The following HDAC7 variants were observed in gnomAD, a reference collection of about 807,000 sequenced individuals.
The protein encoded by HDAC7 is histone deacetylase 7A.
In HDAC7, 26 loss-of-function variants were observed where a neutral mutation model predicts 115.5. The observed-to-expected ratio is 0.23, with a 90% CI of 0.16 to 0.31. HDAC7 has a LOEUF of 0.31. Among genes scored for constraint, HDAC7 ranks in the 10% least tolerant of loss-of-function variants. HDAC7 has a pLI of 1.00. For synonymous variants in HDAC7, 564 were observed against 550.9 expected (o/e 1.02, Z -0.33); for missense variants, 1,068 against 1,329.0 (o/e 0.80, Z 3.05).
chr12:47,783,863 T>G lies in HDAC7; in HGVS notation c.2954A>C (p.Glu985Ala). Residue 985 changes from glutamate (E) to alanine (A), a missense_variant, in exon 26 of 26, where the codon GAG becomes GCG. This residue lies in a region of HDAC7 where 98 missense variants were observed against 123.9 expected (regional missense o/e 0.79). Coordinates refer to ENST00000080059, the MANE Select transcript of HDAC7 (RefSeq NM_015401.5). The part of the protein sequence containing the change: ...EDRPSEQLVE[E>A]EEPMNL ...GCCTTAGAGATTCATAGGTTCTTCC[T>G]CCTCCACCAGCTGCTCCGAGGGCCT... The G allele has an allele frequency of 3.7e-6, 6 of 1,611,902 alleles. No individual in the cohort carries two copies. The highest frequency in any genetic ancestry group is 5.1e-6 in the Non-Finnish European group (6 of 1,179,466).
At chr12:47,804,037 C>T (rs1433388079) in intron 1 of HDAC7, among the ~76,000 whole-genome samples, 1 of 152,190 alleles carries the variant, frequency 6.6e-6, no homozygotes, top group African/African-American at 2.4e-5. Context: ...GGGAGCAGAG[C>T]CAGGTTCTCT....
intron 19 of HDAC7, 130 bp downstream of exon 19, chr12:47,789,131 T>TA (rs1943334150): frequency 2.6e-6 from 2 of 761,036 alleles, no homozygotes; most frequent in Non-Finnish European, 4.5e-6. Flanking sequence ...ACCCAAATTT[T>TA]ACACAAGGGG....
Position 47,814,692 on chromosome 12 carries a change from C to A in HDAC7, c.19+5075G>T, listed in dbSNP as rs74775702. 8.3e-3 allele frequency among the ~76,000 whole-genome samples: 1,258 copies of A among 152,306 alleles called. 13 individuals are homozygous for A. Among genetic ancestry groups the A allele is most frequent in the East Asian group, 0.021 (110 of 5,188 alleles). On this transcript the variant is annotated intron_variant, in intron 1 of 25. Transcript: ENST00000080059. ...TCTTCCATGCCAAGTGAGAGGCTGGCAATTCAGCTCCAACCCTTAGCCATT... is the reference window on the plus strand; with the variant it reads ...TCTTCCATGCCAAGTGAGAGGCTGGAAATTCAGCTCCAACCCTTAGCCATT...
chr12:47,809,761 G>T (rs780580280), intron 1 of HDAC7, among the ~76,000 whole-genome samples: 3 of 151,700 alleles, frequency 2.0e-5, no homozygotes, highest in Non-Finnish European at 4.4e-5. Context: ...AGTAGAGACG[G>T]GGTTTCACCC....
chr12:47,789,690 C>T lies in HDAC7; in HGVS notation c.2092-112G>A, dbSNP rs187613568. ...TGGTTCCCAGAGCCCTCAATTTCCC[C>T]TCCAAAACCCTGTAGCAATCTCTAA... On this transcript the variant is annotated intron_variant, in intron 17 of 25. Coordinates refer to ENST00000080059, the MANE Select transcript of HDAC7 (RefSeq NM_015401.5). 21 of 1,417,252 alleles carry T rather than the reference C, an allele frequency of 1.5e-5. No individual in the cohort carries two copies. The East Asian group carries it at 2.7e-4, about 18-fold the overall frequency. The allele number at this position is 1,417,252 out of a possible 1,614,324, so 87.8% of individuals were successfully genotyped here. A position where few individuals can be genotyped will look rare whatever the true frequency, so the allele number is the denominator to read the frequency against.
rs754768734 is a variant in HDAC7, at chr12:47,789,220, C to T, written c.2235+41G>A. ...AACATCAGGCTCAGGGCTTTTCCCC[C>T]AGGGCTCTCGAATTGGAGGGTGCTA... On this transcript the variant is annotated intron_variant, in intron 19 of 25. Coordinates refer to ENST00000080059, the MANE Select transcript of HDAC7 (RefSeq NM_015401.5). 4 of 1,475,880 alleles carry T rather than the reference C, an allele frequency of 2.7e-6. No homozygotes were observed. The South Asian group carries it at 3.4e-5, about 13-fold the overall frequency. 91.4% of individuals were successfully genotyped at this position (1,475,880 alleles called of 1,614,324 possible).
rs1413412845 is a variant in HDAC7, at chr12:47,803,009, G to A, written c.20-735C>T. ...TCAGCCTCTTTCCCAGATAATCTGA[G>A]ATAGAAATCTTTTCTTTTGGAAATG... On this transcript the variant is annotated intron_variant, in intron 1 of 25. Transcript: ENST00000080059. The surrounding 1 kb of genome is among the most constrained non-coding windows in gnomAD (Gnocchi z 4.0). Among the ~76,000 whole-genome samples, 1 of 152,228 alleles carries A rather than the reference G, an allele frequency of 6.6e-6. No homozygotes were observed. The highest frequency in any genetic ancestry group is 1.5e-5 in the Non-Finnish European group (1 of 68,052).
At chr12:47,816,840 G>A (rs1038885174) in intron 1 of HDAC7, among the ~76,000 whole-genome samples, 2 of 152,102 alleles carry the variant, frequency 1.3e-5, no homozygotes, top group African/African-American at 4.8e-5. Context: ...GGGCCCTTCC[G>A]GGCGTCCAGC....
At chr12:47,813,106 C>G (rs1944739461) in intron 1 of HDAC7, 1 of 152,312 alleles carries the variant, frequency 6.6e-6, no homozygotes, top group African/African-American at 2.4e-5. Flanking sequence ...CCGCCTCCAG[C>G]TCCCCGCCTC....
chr12:47,785,451 T>G lies in HDAC7; in HGVS notation c.2727A>C (p.Glu909Asp), dbSNP rs570780774. ...LGNRVDPLSE[E>D]GWKQKPNLNA... is the part of the protein sequence containing the mutation. ...TGAGGTTGGGTTTCTGTTTCCAGCC[T>G]TCTTCTGAAAGGGGATCCACCTATA... The change falls in exon 24 of 26, where the codon GAA (glutamate) becomes GAC (aspartate). Residue 909 changes from glutamate (E) to aspartate (D), a missense_variant. Physicochemically the swap from Glu to Asp is conservative, Grantham distance 45 (BLOSUM62 2). Around this residue, in one of 6 missense-constraint regions of HDAC7, gnomAD observed 98 missense variants for 123.9 expected, o/e 0.79. Coordinates refer to ENST00000080059, the MANE Select transcript of HDAC7 (RefSeq NM_015401.5). The G allele has an allele frequency of 8.1e-6, 13 of 1,612,928 alleles. No homozygotes were observed. In the African/African-American group the frequency reaches 1.5e-4, roughly 18 times the overall value.
At chr12:47,787,646 CT>C in intron 21 of HDAC7, 65 bp downstream of exon 21, 15 of 1,153,900 alleles carry the variant, frequency 1.3e-5, no homozygotes, top group Non-Finnish European at 1.9e-5. Context: ...CACCTCCCCC[CT>C]GGTGCTCTTG....
intron 7 of HDAC7, 40 bp from the exon 8 acceptor site, chr12:47,796,338 G>A (rs1943840139): frequency 2.6e-6 from 4 of 1,517,874 alleles, no homozygotes; most frequent in Non-Finnish European, 3.6e-6. Flanking sequence ...TCAGAGGCCA[G>A]GGTGGGCAGG....
intron 19 of HDAC7, 141 bp from the exon 20 acceptor site, chr12:47,788,305 G>T: frequency 9.8e-7 from 1 of 1,017,680 alleles, no homozygotes; most frequent in Non-Finnish European, 1.4e-6. Flanking sequence ...AAAGCCACAC[G>T]GTCGAGTGGC....
At position 47,795,995 on chromosome 12, in the gene HDAC7, G is replaced by A. The variant is rs371156187; in HGVS notation, c.817C>T (p.Arg273Trp). 101 of 1,549,238 alleles carry A rather than the reference G, an allele frequency of 6.5e-5. No individual in the cohort carries two copies. Among genetic ancestry groups the A allele is most frequent in the South Asian group, 9.5e-5 (8 of 84,032 alleles). ...GSEALLGQRL[R>W]LQETSVAPFA... ...GGGGCCACAGAAGTCTCCTGCAGCC[G>A]CAGCCGCTGGCCCAAGAGCGCCTGC... Residue 273 changes from arginine (R) to tryptophan (W), a missense_variant, in exon 9 of 26, where the codon CGG becomes TGG. Arg to Trp is a moderately radical substitution (Grantham distance 101). This residue lies in a region of HDAC7 where 618 missense variants were observed against 701.5 expected (regional missense o/e 0.88). Coordinates refer to ENST00000080059, the MANE Select transcript of HDAC7 (RefSeq NM_015401.5). The surrounding 1 kb of genome is among the most constrained non-coding windows in gnomAD (Gnocchi z 4.3).
At chr12:47,808,502 C>T (rs1316230756) in intron 1 of HDAC7, among the ~76,000 whole-genome samples, 3 of 152,172 alleles carry the variant, frequency 2.0e-5, no homozygotes, top group Non-Finnish European at 2.9e-5. Context: ...CCTGGCAGAA[C>T]CTGAGGCCGG....
chr12:47,799,394 T>C (rs755739159), intron 2 of HDAC7, among the ~76,000 whole-genome samples: 42 of 152,316 alleles, frequency 2.8e-4, no homozygotes, highest in Admixed American at 1.2e-3. Context: ...AGCTGCCCTC[T>C]AATGAGTTGG....
In HDAC7 at chr12:47,797,224, A is replaced by G. The variant is rs113317548; in HGVS notation, c.578-82T>C. ...TAACCCCTCAGTCCCAGTCATCTCTATCGGTCAAGGAAAGAGAAGGCAGAA... is the reference window on the plus strand; with the variant it reads ...TAACCCCTCAGTCCCAGTCATCTCTGTCGGTCAAGGAAAGAGAAGGCAGAA... On this transcript the variant is annotated intron_variant, in intron 6 of 25. Coordinates refer to ENST00000080059, the MANE Select transcript of HDAC7 (RefSeq NM_015401.5). The surrounding 1 kb of genome is among the most constrained non-coding windows in gnomAD (Gnocchi z 5.5). The G allele has an allele frequency of 1.7e-3, 2,630 of 1,558,710 alleles. 37 individuals are homozygous for G. The African/African-American group carries it at 0.031, about 19-fold the overall frequency.
chr12:47,795,448 G>A lies in HDAC7; in HGVS notation c.1088-68C>T. On this transcript the variant is annotated intron_variant, in intron 10 of 25. Coordinates refer to ENST00000080059, the MANE Select transcript of HDAC7 (RefSeq NM_015401.5). This position sits in a 1 kb window ranked among gnomAD's most constrained non-coding sequence, Gnocchi z 4.3. ...AGCAATGGAAGGAAGCGAGGGTATA[G>A]GGTGGGGGGCCAGGGTGCAGCAGGG... The A allele has an allele frequency of 7.0e-7, 1 of 1,420,084 alleles. No individual in the cohort carries two copies. The highest frequency in any genetic ancestry group is 9.7e-7 in the Non-Finnish European group (1 of 1,030,268). 88.0% of individuals were successfully genotyped at this position (1,420,084 alleles called of 1,614,324 possible).
intron 15 of HDAC7, 37 bp from the exon 16 acceptor site, chr12:47,791,345 C>G: frequency 6.5e-7 from 1 of 1,535,426 alleles, no homozygotes; most frequent in East Asian, 2.4e-5. Flanking sequence ...AGCGTGAATA[C>G]TCTCAGCCTT....
Sources: allele counts gnomAD v4.1 joint callset (sites outside exome capture counted in the v4.1 genomes callset), GRCh38; gene constraint gnomAD v4.1.1; regional missense constraint gnomAD v4.1.1; non-coding constraint Gnocchi (gnomAD v3.1); transcripts MANE v1.5; gene names NCBI Gene and HGNC (gene_info 2026-07-23, HGNC 2026-07-21).